HMX2: variants seen among roughly 807,000 people sequenced by gnomAD.
HMX2 encodes homeobox protein HMX2.
Under a neutral mutation model 21.2 loss-of-function variants are expected in HMX2, and 15 were observed. The observed-to-expected ratio is 0.71, with a 90% CI of 0.47 to 1.09. The LOEUF (loss-of-function observed/expected upper bound fraction) is 1.09. Ranked by LOEUF, HMX2 falls within the 50% of genes least tolerant of loss-of-function variation. The probability of loss-of-function intolerance (pLI) is 0.00; values close to 1 mark genes in which losing one functional copy is unlikely to be tolerated. For synonymous variants in HMX2, 193 were observed against 181.0 expected (o/e 1.07, Z -0.53); for missense variants, 440 against 381.5 (o/e 1.15, Z -1.28).
Position 123,150,466 on chromosome 10 carries a change from A to C in HMX2, c.*343A>C, listed in dbSNP as rs549220051. On this transcript the variant is annotated 3_prime_UTR_variant, in exon 2 of 2. Coordinates refer to ENST00000339992, the MANE Select transcript of HMX2 (RefSeq NM_005519.2). The surrounding 1 kb of genome is among the most constrained non-coding windows in gnomAD (Gnocchi z 4.2). ...AAAAAAATCAGGAAAACACCTACAA[A>C]ACCAGGTACACTCCTCCCCCATATA... 8 of 210,612 alleles carry C rather than the reference A, an allele frequency of 3.8e-5. No individual in the cohort carries two copies. Among genetic ancestry groups the C allele is most frequent in the Admixed American group, 5.4e-5 (1 of 18,366 alleles). 13.0% of individuals were successfully genotyped at this position (210,612 alleles called of 1,614,324 possible).
In HMX2 at chr10:123,148,434, G is replaced by A. The variant is rs368195944; in HGVS notation, c.56G>A (p.Ser19Asn). ...TGTCCGGCGGCCGGTGGCGTCTCCA[G>A]CTTCACCATCCAGTCCATCCTGGGC... ...KGCPAAGGVSSFTIQSILGGG... is the reference protein window; with the variant it reads ...KGCPAAGGVSNFTIQSILGGG... Residue 19 changes from serine (S) to asparagine (N), a missense_variant, in exon 1 of 2, where the codon AGC (serine) becomes AAC (asparagine). Ser to Asn is a conservative substitution (Grantham distance 46). Transcript: ENST00000339992. 2 of 1,613,160 alleles carry A rather than the reference G, an allele frequency of 1.2e-6. No homozygotes were observed. Among genetic ancestry groups the A allele is most frequent in the African/African-American group, 2.7e-5 (2 of 74,856 alleles).
At chr10:123,148,718 C>T (rs1215859149) in intron 1 of HMX2, 72 bp downstream of exon 1, 15 of 1,549,434 alleles carry the variant, frequency 9.7e-6, no homozygotes, top group Non-Finnish European at 1.2e-5. Context: ...CCCGCCAAGA[C>T]TCCCGCGCCG....
chr10:123,149,936 T>G lies in HMX2; in HGVS notation c.635T>G (p.Leu212Arg), dbSNP rs1310597415. 4 of 1,612,250 alleles carry G rather than the reference T, an allele frequency of 2.5e-6. No individual in the cohort carries two copies. In the South Asian group the frequency reaches 4.4e-5, roughly 18 times the overall value. ...TGGAAGCGGCAGCTCTCGGCTGAGC[T>G]GGAGGCGGCCAACATGGCGCACGCG... is the stretch of plus-strand genomic sequence containing the variant. Reference protein sequence around the residue: ...NKWKRQLSAELEAANMAHASA... With the variant: ...NKWKRQLSAEREAANMAHASA... The change falls in exon 2 of 2, where the codon CTG becomes CGG. Residue 212 changes from leucine to arginine, a missense_variant. Physicochemically the swap from Leu to Arg is moderately radical, Grantham distance 102 (BLOSUM62 -2). Transcript: ENST00000339992. This position sits in a 1 kb window ranked among gnomAD's most constrained non-coding sequence, Gnocchi z 5.4.
In HMX2 at chr10:123,148,177, G is replaced by C; in HGVS notation, c.-202G>C. On this transcript the variant is annotated 5_prime_UTR_variant, in exon 1 of 2. Coordinates refer to ENST00000339992, the MANE Select transcript of HMX2 (RefSeq NM_005519.2). ...TGGGCGGGCGCACCCAGAGCCAGGC[G>C]GGCAGGAACCCCTGCGCAGCCATCC... 1.7e-6 allele frequency: 1 copy of C among 576,908 alleles called. No individual in the cohort carries two copies. The highest frequency in any genetic ancestry group is 3.0e-6 in the Non-Finnish European group (1 of 335,546). The allele number at this position is 576,908 out of a possible 1,614,324, so 35.7% of individuals were successfully genotyped here.
In HMX2 at chr10:123,148,968, G is replaced by A. The variant is rs74569810; in HGVS notation, c.268+322G>A. ...CTGCACATCTGGTACTTTCTTTCCG[G>A]ACACGAGGTGGAGATCTGCAAGTCG... is the stretch of plus-strand genomic sequence containing the variant. On this transcript the variant is annotated intron_variant, in intron 1 of 1. Coordinates refer to ENST00000339992, the MANE Select transcript of HMX2 (RefSeq NM_005519.2). 9.1e-3 allele frequency among the ~76,000 whole-genome samples: 1,382 copies of A among 152,314 alleles called. 83 individuals are homozygous for A. In the East Asian group the frequency reaches 0.17, roughly 18 times the overall value.
Position 123,148,547 on chromosome 10 carries a change from G to A in HMX2, c.169G>A (p.Asp57Asn). The change falls in exon 1 of 2, where the codon GAC becomes AAC. Residue 57 changes from aspartate to asparagine, a missense_variant. Asp to Asn is a conservative substitution (Grantham distance 23). Transcript: ENST00000339992. ...CGTGTCCTCGGAGGAGGAGGAGCCG[G>A]ACGACGGCTGGAAGGCGCCCGCCTG... is the stretch of plus-strand genomic sequence containing the variant. Reference protein sequence around the residue: ...LSVSSEEEEPDDGWKAPACFC... With the variant: ...LSVSSEEEEPNDGWKAPACFC... 6.2e-7 allele frequency: 1 copy of A among 1,613,124 alleles called. No homozygotes were observed. The highest frequency in any genetic ancestry group is 8.5e-7 in the Non-Finnish European group (1 of 1,179,776).
In HMX2 at chr10:123,150,332, G is replaced by C; in HGVS notation, c.*209G>C. 1 of 475,664 alleles carries C rather than the reference G, an allele frequency of 2.1e-6. No individual in the cohort carries two copies. Among genetic ancestry groups the C allele is most frequent in the Non-Finnish European group, 3.6e-6 (1 of 274,278 alleles). 29.5% of individuals were successfully genotyped at this position (475,664 alleles called of 1,614,324 possible). The stretch of plus-strand genomic sequence containing the variant: ...TGGCATTCCCTAAGTCAGAGAGCCT[G>C]CTTCCTACCTAGACCGAACCAGTAC... On this transcript the variant is annotated 3_prime_UTR_variant, in exon 2 of 2. Coordinates refer to ENST00000339992, the MANE Select transcript of HMX2 (RefSeq NM_005519.2). The surrounding 1 kb of genome is among the most constrained non-coding windows in gnomAD (Gnocchi z 4.2).
rs1844236828 is a variant in HMX2, at chr10:123,149,098, T to A, written c.268+452T>A. On this transcript the variant is annotated intron_variant, in intron 1 of 1. Transcript: ENST00000339992. The surrounding 1 kb of genome is among the most constrained non-coding windows in gnomAD (Gnocchi z 5.4). ...CTCTCCTCCTTGGAATGATTAGCAC[T>A]CCAAGATGATTGACAATGGTGCATT... Among the ~76,000 whole-genome samples the A allele has an allele frequency of 6.6e-6, 1 of 152,184 alleles. No individual in the cohort carries two copies. Among genetic ancestry groups the A allele is most frequent in the Non-Finnish European group, 1.5e-5 (1 of 68,026 alleles).
At position 123,149,479 on chromosome 10, in the gene HMX2, G is replaced by C; in HGVS notation, c.269-91G>C. 8.9e-7 allele frequency: 1 copy of C among 1,123,522 alleles called. No homozygotes were observed. The highest frequency in any genetic ancestry group is 1.2e-6 in the Non-Finnish European group (1 of 834,012). 69.6% of individuals were successfully genotyped at this position (1,123,522 alleles called of 1,614,324 possible). A position where few individuals can be genotyped will look rare whatever the true frequency, so the allele number is the denominator to read the frequency against. On this transcript the variant is annotated intron_variant, in intron 1 of 1. Transcript: ENST00000339992. This position sits in a 1 kb window ranked among gnomAD's most constrained non-coding sequence, Gnocchi z 5.4. Reference sequence around the variant, plus strand: ...GTAAGGTGGGACCAAGGCTGCAGGCGCTTGCCAACCGCTTGGTCCCAGGGA... The same window carrying C: ...GTAAGGTGGGACCAAGGCTGCAGGCCCTTGCCAACCGCTTGGTCCCAGGGA...
chr10:123,149,861 A>G lies in HMX2; in HGVS notation c.560A>G (p.Gln187Arg), dbSNP rs977655568. 41 of 1,612,748 alleles carry G rather than the reference A, an allele frequency of 2.5e-5. No homozygotes were observed. The highest frequency in any genetic ancestry group is 3.5e-5 in the Non-Finnish European group (41 of 1,179,904). The change falls in exon 2 of 2, where the codon CAG becomes CGG. Residue 187 changes from glutamine to arginine, a missense_variant. Physicochemically the swap from Gln to Arg is conservative, Grantham distance 43. Coordinates refer to ENST00000339992, the MANE Select transcript of HMX2 (RefSeq NM_005519.2). This position sits in a 1 kb window ranked among gnomAD's most constrained non-coding sequence, Gnocchi z 5.4. Reference sequence around the variant, plus strand: ...CGCGCCTGCCTCGCCTCCAGCCTGCAGCTCACGGAGACCCAGGTAAAGACT... The same window carrying G: ...CGCGCCTGCCTCGCCTCCAGCCTGCGGCTCACGGAGACCCAGGTAAAGACT... The part of the protein sequence containing the change: ...SERACLASSL[Q>R]LTETQVKTWF...
Position 123,148,566 on chromosome 10 carries a change from C to T in HMX2, c.188C>T (p.Pro63Leu). Residue 63 changes from proline to leucine, a missense_variant, in exon 1 of 2, where the codon CCC (proline) becomes CTC (leucine). Transcript: ENST00000339992. ...EEEPDDGWKA[P>L]ACFCPDQHGP... ...GAGCCGGACGACGGCTGGAAGGCGC[C>T]CGCCTGCTTCTGCCCAGACCAGCAC... The T allele has an allele frequency of 6.2e-7, 1 of 1,613,406 alleles. No individual in the cohort carries two copies.
At position 123,149,769 on chromosome 10, in the gene HMX2, T is replaced by G; in HGVS notation, c.468T>G (p.Phe156Leu). Residue 156 changes from phenylalanine to leucine, a missense_variant, in exon 2 of 2, where the codon TTT becomes TTG. Transcript: ENST00000339992. This position sits in a 1 kb window ranked among gnomAD's most constrained non-coding sequence, Gnocchi z 5.4. ...CCAAGAAGAAGACGCGCACCGTCTT[T>G]TCGCGCAGCCAGGTGTACCAGCTCG... ...GAAKKKTRTV[F>L]SRSQVYQLES... 3.1e-6 allele frequency: 5 copies of G among 1,595,168 alleles called. No individual in the cohort carries two copies. The highest frequency in any genetic ancestry group is 3.4e-6 in the Non-Finnish European group (4 of 1,170,650).
At chr10:123,148,744 G>A in intron 1 of HMX2, 98 bp downstream of exon 1, 3 of 1,459,962 alleles carry the variant, frequency 2.1e-6, no homozygotes, top group Non-Finnish European at 2.7e-6. Context: ...CCTCTGGCCA[G>A]AGCTGCGGCA....
Position 123,149,232 on chromosome 10 carries a change from G to C in HMX2, c.269-338G>C, listed in dbSNP as rs114674910. Among the ~76,000 whole-genome samples, 644 of 152,192 alleles carry C rather than the reference G, an allele frequency of 4.2e-3. 4 individuals carry two copies. The highest frequency in any genetic ancestry group is 0.015 in the African/African-American group (606 of 41,526). On this transcript the variant is annotated intron_variant, in intron 1 of 1. Coordinates refer to ENST00000339992, the MANE Select transcript of HMX2 (RefSeq NM_005519.2). The surrounding 1 kb of genome is among the most constrained non-coding windows in gnomAD (Gnocchi z 5.4). ...GAAATGATGCCACCCTATAAAGCTC[G>C]AGGAACTCTTCCAGCTCAATTACCA...
chr10:123,149,978 T>A lies in HMX2; in HGVS notation c.677T>A (p.Val226Glu). ...GCGCACGCGTCGGCGCAGACTCTGG[T>A]GAGCATGCCGCTGGTGTTCCGGGAC... is the stretch of plus-strand genomic sequence containing the variant. Reference protein sequence around the residue: ...NMAHASAQTLVSMPLVFRDSS... With the variant: ...NMAHASAQTLESMPLVFRDSS... Residue 226 changes from valine (V) to glutamate (E), a missense_variant, in exon 2 of 2, where the codon GTG becomes GAG. Val to Glu is a moderately radical substitution (Grantham distance 121). Transcript: ENST00000339992. This position sits in a 1 kb window ranked among gnomAD's most constrained non-coding sequence, Gnocchi z 5.4. The A allele has an allele frequency of 2.5e-6, 4 of 1,611,636 alleles. No homozygotes were observed. The African/African-American group carries it at 4.0e-5, about 16-fold the overall frequency.
rs756328345 is a variant in HMX2 at position 123,150,047 on chromosome 10, C to T, written c.746C>T (p.Pro249Leu). ...RVPVPRSLAF[P>L]APLYYPGSNL... ...CCGGTGCCGCGCTCGCTCGCCTTTC[C>T]CGCGCCGCTCTACTACCCGGGAAGC... Residue 249 changes from proline to leucine, a missense_variant, in exon 2 of 2, where the codon CCC becomes CTC. By Grantham distance (98) the Pro-to-Leu change is moderately conservative. Transcript: ENST00000339992. The surrounding 1 kb of genome is among the most constrained non-coding windows in gnomAD (Gnocchi z 4.2). The T allele has an allele frequency of 4.2e-5, 68 of 1,603,694 alleles. No homozygotes were observed. The highest frequency in any genetic ancestry group is 5.7e-5 in the Non-Finnish European group (67 of 1,177,840).
At position 123,149,724 on chromosome 10, in the gene HMX2, T is replaced by A. The variant is rs751349909; in HGVS notation, c.423T>A (p.Ala141=). 5.2e-6 allele frequency: 8 copies of A among 1,546,136 alleles called. No individual in the cohort carries two copies. In the South Asian group the frequency reaches 9.7e-5, roughly 19 times the overall value. The change falls in exon 2 of 2, where the codon GCT becomes GCA. Residue 141 remains alanine (A), a synonymous_variant. Coordinates refer to ENST00000339992, the MANE Select transcript of HMX2 (RefSeq NM_005519.2). The surrounding 1 kb of genome is among the most constrained non-coding windows in gnomAD (Gnocchi z 5.4). ...CCGAGCGGCCGCGGGACGGCGGCGC[T>A]GAGCGGCAGGCCGGCGCGGCCAAGA... is the stretch of plus-strand genomic sequence containing the variant. The part of the protein sequence containing the change: ...PGSERPRDGG[A]ERQAGAAKKK...
rs762635597 is a variant in HMX2, at chr10:123,148,422, G to C, written c.44G>C (p.Gly15Ala). The change falls in exon 1 of 2, where the codon GGT becomes GCT. Residue 15 changes from glycine to alanine, a missense_variant. Physicochemically the swap from Gly to Ala is moderately conservative, Grantham distance 60. Transcript: ENST00000339992. ...GCGGGCAAGGGGTGTCCGGCGGCCG[G>C]TGGCGTCTCCAGCTTCACCATCCAG... ...EDAGKGCPAAGGVSSFTIQSI... is the reference protein window; with the variant it reads ...EDAGKGCPAAAGVSSFTIQSI... 4 of 1,613,172 alleles carry C rather than the reference G, an allele frequency of 2.5e-6. No individual in the cohort carries two copies. In the Admixed American group the frequency reaches 6.7e-5, roughly 27 times the overall value.
rs1440059689 is a variant in HMX2 at position 123,149,422 on chromosome 10, G to A, written c.269-148G>A. The A allele has an allele frequency of 1.8e-5, 10 of 549,880 alleles. No homozygotes were observed. The highest frequency in any genetic ancestry group is 2.6e-5 in the Non-Finnish European group (9 of 340,026). 34.1% of individuals were successfully genotyped at this position (549,880 alleles called of 1,614,324 possible). ...TAAAGGACGGGGTGCTGGGTTTGGG[G>A]GGCCAGTGAGAGGGATAAGAGGAGG... On this transcript the variant is annotated intron_variant, in intron 1 of 1. Coordinates refer to ENST00000339992, the MANE Select transcript of HMX2 (RefSeq NM_005519.2). The surrounding 1 kb of genome is among the most constrained non-coding windows in gnomAD (Gnocchi z 5.4).
Sources: allele counts gnomAD v4.1 joint callset (sites outside exome capture counted in the v4.1 genomes callset), GRCh38; gene constraint gnomAD v4.1.1; non-coding constraint Gnocchi (gnomAD v3.1); transcripts MANE v1.5; gene names NCBI Gene and HGNC (gene_info 2026-07-23, HGNC 2026-07-21).